Variants in CNTN4 observed in about 807,000 individuals in gnomAD.
CNTN4 encodes contactin-4.
In CNTN4, 77 loss-of-function variants were observed where a neutral mutation model predicts 122.5. The observed-to-expected ratio is 0.63, with a 90% CI of 0.52 to 0.76. CNTN4 has a LOEUF of 0.76. Ranked by LOEUF, CNTN4 falls within the 30% of genes least tolerant of loss-of-function variation. The probability of loss-of-function intolerance (pLI) is 0.00; values close to 1 mark genes in which losing one functional copy is unlikely to be tolerated. For missense variants in CNTN4, 1,256 were observed against 1,259.1 expected, an observed-to-expected ratio of 1.00 and a Z score of 0.04; for synonymous variants, 512 against 447.0, an observed-to-expected ratio of 1.15 and a Z score of -1.83.
At chr3:3,008,688 C>T (rs1320653004) in intron 14 of CNTN4, among the ~76,000 whole-genome samples, 1 of 152,206 alleles carries the variant, frequency 6.6e-6, no homozygotes, top group African/African-American at 2.4e-5. Context: ...CACAGAGACA[C>T]TCTACATAAT....
intron 2 of CNTN4, among the ~76,000 whole-genome samples, chr3:2,321,195 G>T (rs1428805373): frequency 6.6e-6 from 1 of 151,978 alleles, no homozygotes; most frequent in Admixed American, 6.6e-5. Context: ...ACATGTCTTT[G>T]TTTGAAGCAT....
intron 3 of CNTN4, among the ~76,000 whole-genome samples, chr3:2,340,705 A>AGAGAGAGAGAGAGAGAGAGGGAGG (rs1210986669): frequency 1.9e-4 from 12 of 63,746 alleles, no homozygotes; most frequent in African/African-American, 5.9e-4. Flanking sequence ...ATATATATAT[A>AGAGAGAGAGAGAGAGAGAGGGAGG]TATATAGAGA....
intron 3 of CNTN4, among the ~76,000 whole-genome samples, chr3:2,404,044 G>T (rs2046946857): frequency 6.6e-6 from 1 of 152,066 alleles, no homozygotes; most frequent in Non-Finnish European, 1.5e-5. Context: ...ATCCACAGTG[G>T]TTATTGTGCA....
chr3:2,709,782 T>C lies in CNTN4; in HGVS notation c.56-26433T>C, dbSNP rs981664100. Among the ~76,000 whole-genome samples, 1 of 151,760 alleles carries C rather than the reference T, an allele frequency of 6.6e-6. No homozygotes were observed. The highest frequency in any genetic ancestry group is 1.5e-5 in the Non-Finnish European group (1 of 67,936). On this transcript the variant is annotated intron_variant, in intron 4 of 24. Transcript: ENST00000418658. The surrounding 1 kb of genome is among the most constrained non-coding windows in gnomAD (Gnocchi z 5.0). ...TACAAAAATTAGCCAGGCGTGGTGG[T>C]GCACACCTGTAGTCCCAGCTACTTG...
intron 2 of CNTN4, among the ~76,000 whole-genome samples, chr3:2,166,853 A>G (rs1448209281): frequency 6.6e-6 from 1 of 152,196 alleles, no homozygotes; most frequent in African/African-American, 2.4e-5. Flanking sequence ...AATACAAATA[A>G]GATGAATAGC....
chr3:2,601,351 G>A (rs529620981), intron 4 of CNTN4, among the ~76,000 whole-genome samples: 83 of 152,152 alleles, frequency 5.5e-4, no homozygotes, highest in Non-Finnish European at 9.6e-4. Context: ...AATTTAAGTC[G>A]TTAATCCATC....
intron 4 of CNTN4, among the ~76,000 whole-genome samples, chr3:2,700,717 C>G (rs1054247084): frequency 6.6e-6 from 1 of 151,830 alleles, no homozygotes; most frequent in Non-Finnish European, 1.5e-5. Flanking sequence ...CTTCAGTTTA[C>G]TGATCCGTTT....
At chr3:2,653,922 A>G (rs919441318) in intron 4 of CNTN4, among the ~76,000 whole-genome samples, 12 of 152,316 alleles carry the variant, frequency 7.9e-5, no homozygotes, top group African/African-American at 2.6e-4. Context: ...AAGTGGTTCC[A>G]TAAGGCCAAC....
chr3:2,235,322 T>C (rs2039639371), intron 2 of CNTN4, among the ~76,000 whole-genome samples: 1 of 152,186 alleles, frequency 6.6e-6, no homozygotes, highest in African/African-American at 2.4e-5. Context: ...CTTATTAATA[T>C]CCAAGTTAAC....
At chr3:2,516,477 T>C (rs545282824) in intron 3 of CNTN4, among the ~76,000 whole-genome samples, 45 of 152,240 alleles carry the variant, frequency 3.0e-4, no homozygotes, top group Non-Finnish European at 6.0e-4. Context: ...ATCTAGTACC[T>C]CTGTTGACTT....
At position 2,516,818 on chromosome 3, in the gene CNTN4, G is replaced by A. The variant is rs1439010610; in HGVS notation, c.-88-54598G>A. Among the ~76,000 whole-genome samples, 4 of 152,122 alleles carry A rather than the reference G, an allele frequency of 2.6e-5. No homozygotes were observed. The East Asian group carries it at 7.7e-4, about 29-fold the overall frequency. ...AGATATGGCAGAATTTAGAGAAGCT[G>A]ACTATGCCAGGCATTTGGCACAGGG... is the stretch of plus-strand genomic sequence containing the variant. On this transcript the variant is annotated intron_variant, in intron 3 of 24. Transcript: ENST00000418658.
At chr3:2,733,124 T>G (rs2088819665) in intron 4 of CNTN4, among the ~76,000 whole-genome samples, 1 of 152,220 alleles carries the variant, frequency 6.6e-6, no homozygotes, top group Non-Finnish European at 1.5e-5. Flanking sequence ...GCATCCTGAG[T>G]AATCATTATT....
chr3:3,053,375 A>G (rs1489480533), intron 23 of CNTN4, among the ~76,000 whole-genome samples: 1 of 152,168 alleles, frequency 6.6e-6, no homozygotes, highest in Non-Finnish European at 1.5e-5. Flanking sequence ...AAGACTGGGT[A>G]TTATTGTCCC....
At chr3:2,546,556 T>A (rs747500538) in intron 3 of CNTN4, among the ~76,000 whole-genome samples, 2 of 152,108 alleles carry the variant, frequency 1.3e-5, no homozygotes, top group Non-Finnish European at 1.5e-5. Flanking sequence ...TCTTATTATA[T>A]GCATGATGAA....
At chr3:2,224,719 A>G (rs2039200710) in intron 2 of CNTN4, among the ~76,000 whole-genome samples, 1 of 152,192 alleles carries the variant, frequency 6.6e-6, no homozygotes, top group Admixed American at 6.5e-5. Context: ...TGTGCAGTAA[A>G]TGTTAAGATT....
chr3:2,486,865 G>A lies in CNTN4; in HGVS notation c.-88-84551G>A, dbSNP rs556738437. ...TTAGAGTGTTGAATTTAAAGTTAGG[G>A]TCCTAGTTTTCTCCAAACTGTTTTT... On this transcript the variant is annotated intron_variant, in intron 3 of 24. Transcript: ENST00000418658. Among the ~76,000 whole-genome samples the A allele has an allele frequency of 3.0e-3, 449 of 152,140 alleles. 2 individuals carry two copies. The highest frequency in any genetic ancestry group is 0.01 in the African/African-American group (432 of 41,488).
intron 3 of CNTN4, among the ~76,000 whole-genome samples, chr3:2,519,276 C>T (rs939421785): frequency 1.3e-5 from 2 of 152,098 alleles, no homozygotes; most frequent in Non-Finnish European, 2.9e-5. Context: ...AGTGACCTTG[C>T]CATAAGTTAT....
chr3:2,600,281 G>A (rs968157814), intron 4 of CNTN4, among the ~76,000 whole-genome samples: 10 of 151,496 alleles, frequency 6.6e-5, no homozygotes, highest in Non-Finnish European at 1.5e-4. Context: ...GTATACACAC[G>A]CCATGTTGTG....
At chr3:2,925,108 A>G (rs1365467553) in intron 12 of CNTN4, among the ~76,000 whole-genome samples, 1 of 152,220 alleles carries the variant, frequency 6.6e-6, no homozygotes, top group Non-Finnish European at 1.5e-5. Flanking sequence ...GGTGTATACC[A>G]AATTCACCAA....
Sources: gnomAD v4.1 joint callset for allele counts (sites outside exome capture counted in the v4.1 genomes callset) on GRCh38, gnomAD v4.1.1 for gene constraint, Gnocchi (gnomAD v3.1) non-coding constraint, MANE v1.5 for transcripts, NCBI Gene and HGNC (gene_info 2026-07-23, HGNC 2026-07-21) for gene names.